The following TRPM6 variants were observed in gnomAD, a reference collection of about 807,000 sequenced individuals.
TRPM6 encodes transient receptor potential cation channel subfamily M member 6, also known as channel kinase 2.
Under a neutral mutation model 247.6 loss-of-function variants are expected in TRPM6, and 111 were observed. The observed-to-expected ratio is 0.45, with a 90% CI of 0.38 to 0.52. The LOEUF (loss-of-function observed/expected upper bound fraction) is 0.52, where lower values mean the gene tolerates loss of function less well. TRPM6 is among the 20% of genes least tolerant of loss of function. The probability of loss-of-function intolerance (pLI) is 0.00; values close to 1 mark genes in which losing one functional copy is unlikely to be tolerated. For synonymous variants in TRPM6, 892 were observed against 853.8 expected (o/e 1.04, Z -0.78); for missense variants, 2,126 against 2,421.5 (o/e 0.88, Z 2.56).
chr9:74,742,686 G>C, intron 32 of TRPM6, 60 bp from the exon 33 acceptor site: 1 of 1,408,656 alleles, frequency 7.1e-7, no homozygotes, highest in Non-Finnish European at 1.0e-6. Flanking sequence ...TTTACAGAAA[G>C]CCTCTCCACA....
rs1025493859 is a variant in TRPM6, at chr9:74,818,122, G to A, written c.1135-1158C>T. ...TTGCTGCCTTCTCTTGACCCTCTTG[G>A]TCATTACATTGCTTATTAATTATTC... On this transcript the variant is annotated intron_variant, in intron 9 of 38. Coordinates refer to ENST00000360774, the MANE Select transcript of TRPM6 (RefSeq NM_017662.5). 3.3e-5 allele frequency among the ~76,000 whole-genome samples: 5 copies of A among 151,890 alleles called. No homozygotes were observed. In the East Asian group the frequency reaches 9.7e-4, roughly 29 times the overall value.
chr9:74,862,544 G>T (rs1192991773), intron 1 of TRPM6, among the ~76,000 whole-genome samples: 2 of 152,202 alleles, frequency 1.3e-5, no homozygotes, highest in African/African-American at 4.8e-5. Context: ...TCAGGCTGGG[G>T]AATTGCAAAG....
chr9:74,737,170 T>A (rs1460221727), intron 36 of TRPM6, among the ~76,000 whole-genome samples: 1 of 152,198 alleles, frequency 6.6e-6, no homozygotes, highest in Non-Finnish European at 1.5e-5. Context: ...ACTTTGTTTA[T>A]ATTGTTTCCT....
chr9:74,886,501 GTCTT>G (rs1396362197), intron 1 of TRPM6, among the ~76,000 whole-genome samples: 2 of 151,460 alleles, frequency 1.3e-5, no homozygotes, highest in Non-Finnish European at 2.9e-5. Context: ...TGTTCTCAGT[GTCTT>G]TTTTTCTCTT....
At chr9:74,878,983 C>A (rs1831275587) in intron 1 of TRPM6, among the ~76,000 whole-genome samples, 1 of 151,824 alleles carries the variant, frequency 6.6e-6, no homozygotes, top group South Asian at 2.1e-4. Context: ...CAGAGTGAAA[C>A]CTCATCTCAA....
rs1829102304 is a variant in TRPM6, at chr9:74,820,560, G to T, written c.1011-133C>A. On this transcript the variant is annotated intron_variant, in intron 8 of 38. Coordinates refer to ENST00000360774, the MANE Select transcript of TRPM6 (RefSeq NM_017662.5). ...GGACAGTTCTGCCAGAAGAGCAAAT[G>T]AGGGGGAGCAAACGGAAGCAGGAGC... is the stretch of plus-strand genomic sequence containing the variant. 4 of 1,106,278 alleles carry T rather than the reference G, an allele frequency of 3.6e-6. No homozygotes were observed. The East Asian group carries it at 7.6e-5, about 21-fold the overall frequency. The allele number at this position is 1,106,278 out of a possible 1,614,324, so 68.5% of individuals were successfully genotyped here.
Position 74,808,129 on chromosome 9 carries a change from A to C in TRPM6, c.1543T>G (p.Leu515Val). 1 of 1,614,030 alleles carries C rather than the reference A, an allele frequency of 6.2e-7. No homozygotes were observed. The highest frequency in any genetic ancestry group is 1.7e-5 in the Admixed American group (1 of 60,020). The change falls in exon 14 of 39, where the codon TTA (leucine) becomes GTA (valine). Residue 515 changes from leucine to valine, a missense_variant. Around this residue, in one of 3 missense-constraint regions of TRPM6, gnomAD observed 1,082 missense variants for 1,307.9 expected, o/e 0.83. Coordinates refer to ENST00000360774, the MANE Select transcript of TRPM6 (RefSeq NM_017662.5). Reference protein sequence around the residue: ...GYRITLIDIGLVVEYLIGRAY... With the variant: ...GYRITLIDIGVVVEYLIGRAY... ...CTACCAATGAGGTATTCTACTACTA[A>C]TCCAATGTCAATCAAGGTTATTCGG...
intron 19 of TRPM6, 25 bp downstream of exon 19, chr9:74,792,599 C>G (rs760545236): frequency 1.2e-6 from 2 of 1,609,990 alleles, no homozygotes; most frequent in Non-Finnish European, 1.7e-6. Flanking sequence ...ATTAATCCGA[C>G]ATATATTGTT....
chr9:74,770,629 G>A (rs9919062), intron 25 of TRPM6, among the ~76,000 whole-genome samples: 85,744 of 151,754 alleles, frequency 0.57, 26,313 homozygotes, highest in African/African-American at 0.81. Context: ...ACTCTGCCTC[G>A]AGACCTGGGT....
chr9:74,849,343 C>A (rs2118270641), intron 3 of TRPM6, among the ~76,000 whole-genome samples: 1 of 117,852 alleles, frequency 8.5e-6, no homozygotes, highest in Middle Eastern at 4.6e-3. Flanking sequence ...AAGAGTGAAA[C>A]TTCATCTCAA....
At position 74,842,147 on chromosome 9, in the gene TRPM6, A is replaced by G; in HGVS notation, c.330+19T>C. 1 of 1,613,748 alleles carries G rather than the reference A, an allele frequency of 6.2e-7. No individual in the cohort carries two copies. Among genetic ancestry groups the G allele is most frequent in the South Asian group, 1.1e-5 (1 of 91,066 alleles). ...AAAAAAGAAAGAAACCAGCAAAACA[A>G]TTTGGGTTATTAGCAAACCTTGGCA... is the stretch of plus-strand genomic sequence containing the variant. On this transcript the variant is annotated intron_variant, in intron 4 of 38. Coordinates refer to ENST00000360774, the MANE Select transcript of TRPM6 (RefSeq NM_017662.5).
rs76499428 is a variant in TRPM6, at chr9:74,815,141, G to C, written c.1308+1528C>G. On this transcript the variant is annotated intron_variant, in intron 11 of 38. Coordinates refer to ENST00000360774, the MANE Select transcript of TRPM6 (RefSeq NM_017662.5). ...AGGTTGGGGGTGTTACGGAAGAGAA[G>C]GGAATGGAATGCAATGAAAACATAT... 7.4e-3 allele frequency among the ~76,000 whole-genome samples: 1,127 copies of C among 152,068 alleles called. 20 individuals carry two copies. Among genetic ancestry groups the C allele is most frequent in the African/African-American group, 0.026 (1,092 of 41,484 alleles).
At chr9:74,828,752 C>A (rs1829442795) in intron 6 of TRPM6, among the ~76,000 whole-genome samples, 1 of 151,696 alleles carries the variant, frequency 6.6e-6, no homozygotes, top group Admixed American at 6.6e-5. Context: ...CTTCAGCCTC[C>A]CGAGTAGCTG....
At chr9:74,869,161 G>A (rs955404545) in intron 1 of TRPM6, among the ~76,000 whole-genome samples, 4 of 152,150 alleles carry the variant, frequency 2.6e-5, no homozygotes, top group Admixed American at 6.6e-5. Context: ...GGTAGTTAGT[G>A]TAAGATTCTC....
chr9:74,742,926 TCTTTTA>T (rs1190540199), intron 32 of TRPM6, among the ~76,000 whole-genome samples: 1 of 152,210 alleles, frequency 6.6e-6, no homozygotes, highest in African/African-American at 2.4e-5. Flanking sequence ...TGTGGAACTT[TCTTTTA>T]AATGGCATTT....
Position 74,775,997 on chromosome 9 carries a change from C to T in TRPM6, c.3289G>A (p.Glu1097Lys), listed in dbSNP as rs114160749. 1.9e-4 allele frequency: 300 copies of T among 1,614,072 alleles called. No homozygotes were observed. In the African/African-American group the frequency reaches 2.3e-3, roughly 12 times the overall value. Residue 1097 changes from glutamate to lysine, a missense_variant, in exon 24 of 39, where the codon GAG becomes AAG. By Grantham distance (56) the Glu-to-Lys change is moderately conservative. Coordinates refer to ENST00000360774, the MANE Select transcript of TRPM6 (RefSeq NM_017662.5). Reference sequence around the variant, plus strand: ...AGAGGTGGGGGCAGCCAGGGCTTCTCGTGGTAGGTCATGATGTAGCGATAG... The same window carrying T: ...AGAGGTGGGGGCAGCCAGGGCTTCTTGTGGTAGGTCATGATGTAGCGATAG... ...NRYRYIMTYH[E>K]KPWLPPPLIL... is the part of the protein sequence containing the mutation.
rs758522747 is a variant in TRPM6, at chr9:74,855,560, G to A, written c.119C>T (p.Thr40Ile). The A allele has an allele frequency of 1.2e-6, 2 of 1,602,248 alleles. No individual in the cohort carries two copies. Among genetic ancestry groups the A allele is most frequent in the South Asian group, 1.1e-5 (1 of 90,834 alleles). ...IPSSKNPHRC[T>I]PVCQVCQNLI... is the part of the protein sequence containing the mutation. ...ATTCTGGCAGACTTGGCATACTGGA[G>A]TACATCTAAATTAAAGAAATAAAAC... Residue 40 changes from threonine to isoleucine, a missense_variant, in exon 3 of 39, where the codon ACT becomes ATT. Thr to Ile is a moderately conservative substitution (Grantham distance 89, BLOSUM62 -1). Coordinates refer to ENST00000360774, the MANE Select transcript of TRPM6 (RefSeq NM_017662.5).
At chr9:74,818,900 A>G (rs755695210) in intron 9 of TRPM6, among the ~76,000 whole-genome samples, 4 of 152,056 alleles carry the variant, frequency 2.6e-5, no homozygotes, top group Admixed American at 1.3e-4. Flanking sequence ...ATATTACCAA[A>G]ATTCTTATAC....
Position 74,744,112 on chromosome 9 carries a change from G to A in TRPM6, c.5117C>T (p.Pro1706Leu). 1 of 1,614,034 alleles carries A rather than the reference G, an allele frequency of 6.2e-7. No homozygotes were observed. The highest frequency in any genetic ancestry group is 8.5e-7 in the Non-Finnish European group (1 of 1,179,966). The stretch of plus-strand genomic sequence containing the variant: ...CATCCTACCTGAATAATGATGGTGA[G>A]GCTCTTGAGGGCTTTTTAAGGAGGC... Reference protein sequence around the residue: ...ISASLKSPQEPHHHYSAIERN... With the variant: ...ISASLKSPQELHHHYSAIERN... The change falls in exon 32 of 39, where the codon CCT becomes CTT. Residue 1706 changes from proline to leucine, a missense_variant. Around this residue, in one of 3 missense-constraint regions of TRPM6, gnomAD observed 327 missense variants for 397.7 expected, o/e 0.82. Transcript: ENST00000360774.
Sources: gnomAD v4.1 joint callset for allele counts (sites outside exome capture counted in the v4.1 genomes callset) on GRCh38, gnomAD v4.1.1 for gene constraint, gnomAD v4.1.1 regional missense constraint, MANE v1.5 for transcripts, NCBI Gene and HGNC (gene_info 2026-07-23, HGNC 2026-07-21) for gene names.